The following KHDRBS3 variants were observed in gnomAD, a reference collection of about 807,000 sequenced individuals.
The protein encoded by KHDRBS3 is KH domain-containing, RNA-binding, signal transduction-associated protein 3.
KHDRBS3 carries 23 observed loss-of-function variants against 45.6 expected under a neutral mutation model. That is an observed-to-expected ratio of 0.50 (90% confidence interval 0.36 to 0.72). The LOEUF (loss-of-function observed/expected upper bound fraction) is 0.72, where lower values mean the gene tolerates loss of function less well. Among genes scored for constraint, KHDRBS3 ranks in the 30% least tolerant of loss-of-function variants. KHDRBS3 has a pLI of 0.00. For missense variants in KHDRBS3, 352 were observed against 424.8 expected (o/e 0.83, Z 1.51); for synonymous variants, 162 against 156.5 (o/e 1.04, Z -0.26).
chr8:135,545,226 G>T (rs1826233857), intron 3 of KHDRBS3, among the ~76,000 whole-genome samples: 1 of 152,064 alleles, frequency 6.6e-6, no homozygotes, highest in Non-Finnish European at 1.5e-5. Flanking sequence ...CTTATTCTCT[G>T]CATGTTTGGT....
At chr8:135,588,738 A>T (rs1378392219) in intron 6 of KHDRBS3, among the ~76,000 whole-genome samples, 1 of 152,236 alleles carries the variant, frequency 6.6e-6, no homozygotes, top group Non-Finnish European at 1.5e-5. Context: ...GCTGTGAGCC[A>T]GGAGCTGTGG....
chr8:135,528,871 T>A (rs1479768379), intron 2 of KHDRBS3, among the ~76,000 whole-genome samples: 2 of 152,170 alleles, frequency 1.3e-5, no homozygotes, highest in Admixed American at 1.3e-4. Flanking sequence ...GGCAGAGTCC[T>A]CATGACTTCA....
chr8:135,477,286 A>G (rs1022554667), intron 1 of KHDRBS3, among the ~76,000 whole-genome samples: 3 of 152,148 alleles, frequency 2.0e-5, no homozygotes, highest in Admixed American at 1.3e-4. Context: ...CACTATTAAA[A>G]CTGAGCTCTG....
intron 4 of KHDRBS3, among the ~76,000 whole-genome samples, chr8:135,552,943 G>T (rs1398880996): frequency 6.6e-6 from 1 of 152,046 alleles, no homozygotes; most frequent in Non-Finnish European, 1.5e-5. Flanking sequence ...TGTCCACCCT[G>T]GCTTTTCTGT....
intron 2 of KHDRBS3, chr8:135,539,768 G>A (rs1230562674): frequency 6.6e-6 from 1 of 152,142 alleles, no homozygotes; most frequent in Non-Finnish European, 1.5e-5. Flanking sequence ...GAACAGAGTT[G>A]AGAGGAAAAA....
intron 5 of KHDRBS3, among the ~76,000 whole-genome samples, chr8:135,568,227 A>G (rs1827525039): frequency 1.3e-5 from 2 of 152,206 alleles, no homozygotes; most frequent in African/African-American, 4.8e-5. Context: ...TTCAAAGCCT[A>G]AAACCATAAC....
At chr8:135,496,979 T>G (rs1331504048) in intron 1 of KHDRBS3, among the ~76,000 whole-genome samples, 2 of 152,216 alleles carry the variant, frequency 1.3e-5, no homozygotes, top group African/African-American at 4.8e-5. Flanking sequence ...GAAATGCATC[T>G]TATGACCTAG....
chr8:135,645,027 T>G (rs1487248422), intron 7 of KHDRBS3, 32 bp from the exon 8 acceptor site: 1 of 1,608,714 alleles, frequency 6.2e-7, no homozygotes, highest in Non-Finnish European at 8.5e-7. Flanking sequence ...GCCAGATGAT[T>G]TTGTCCTTTG....
chr8:135,642,833 G>C (rs970879282), intron 7 of KHDRBS3, among the ~76,000 whole-genome samples: 1 of 148,336 alleles, frequency 6.7e-6, no homozygotes, highest in Non-Finnish European at 1.5e-5. Context: ...TCGCTCTGTC[G>C]CCAGGCTGGA....
At chr8:135,492,128 A>G (rs1823184699) in intron 1 of KHDRBS3, among the ~76,000 whole-genome samples, 1 of 152,198 alleles carries the variant, frequency 6.6e-6, no homozygotes, top group African/African-American at 2.4e-5. Flanking sequence ...GAAGGTATCA[A>G]ATAGAATGCT....
intron 7 of KHDRBS3, among the ~76,000 whole-genome samples, chr8:135,630,201 C>T (rs1273347078): frequency 1.3e-5 from 2 of 152,154 alleles, no homozygotes; most frequent in Non-Finnish European, 2.9e-5. Context: ...GAGGAAGGAG[C>T]CCTTGGGTCT....
intron 4 of KHDRBS3, among the ~76,000 whole-genome samples, chr8:135,551,312 G>A (rs762202803): frequency 1.3e-5 from 2 of 151,884 alleles, no homozygotes; most frequent in African/African-American, 2.4e-5. Context: ...GACTAGAACC[G>A]TGAATGCAGT....
At chr8:135,489,966 A>G (rs1013886173) in intron 1 of KHDRBS3, among the ~76,000 whole-genome samples, 8 of 152,204 alleles carry the variant, frequency 5.3e-5, no homozygotes, top group South Asian at 2.1e-4. Flanking sequence ...CTTTTATAGC[A>G]TATTTTTACT....
chr8:135,520,537 TAG>T (rs951489425), intron 1 of KHDRBS3, among the ~76,000 whole-genome samples: 22 of 152,062 alleles, frequency 1.4e-4, no homozygotes, highest in African/African-American at 5.1e-4. Context: ...AGGGTAGCAG[TAG>T]AGTTGCACGT....
intron 6 of KHDRBS3, among the ~76,000 whole-genome samples, chr8:135,584,868 C>G (rs572070829): frequency 1.1e-4 from 17 of 152,184 alleles, no homozygotes; most frequent in African/African-American, 3.9e-4. Flanking sequence ...GATTACTCAC[C>G]CATCACGCTT....
intron 7 of KHDRBS3, among the ~76,000 whole-genome samples, chr8:135,613,358 T>C (rs1222884563): frequency 6.6e-6 from 1 of 151,804 alleles, no homozygotes; most frequent in Non-Finnish European, 1.5e-5. Context: ...CTAAGCCTCC[T>C]TTTATAAAAT....
At position 135,571,749 on chromosome 8, in the gene KHDRBS3, G is replaced by C. The variant is rs188491213; in HGVS notation, c.612-10129G>C. On this transcript the variant is annotated intron_variant, in intron 5 of 8. Coordinates refer to ENST00000355849, the MANE Select transcript of KHDRBS3 (RefSeq NM_006558.3). ...TCGAGGCTGGGGATTAGAGTTGGGG[G>C]AACTCTGGCACTGGGGAAGCCAGAG... Among the ~76,000 whole-genome samples the C allele has an allele frequency of 4.3e-4, 66 of 152,130 alleles. 1 individual carries two copies. The highest frequency in any genetic ancestry group is 1.5e-3 in the African/African-American group (64 of 41,502).
intron 7 of KHDRBS3, among the ~76,000 whole-genome samples, chr8:135,607,775 G>A (rs137858995): frequency 6.6e-6 from 1 of 152,252 alleles, no homozygotes; most frequent in African/African-American, 2.4e-5. Flanking sequence ...AAGAAAATAT[G>A]GACTATGAGG....
At chr8:135,473,217 CG>C (rs1822102073) in intron 1 of KHDRBS3, among the ~76,000 whole-genome samples, 1 of 152,046 alleles carries the variant, frequency 6.6e-6, no homozygotes, top group Non-Finnish European at 1.5e-5. Context: ...CTCCTCCGTC[CG>C]GAAAGCTTCC....
Sources: gnomAD v4.1 joint callset for allele counts (sites outside exome capture counted in the v4.1 genomes callset) on GRCh38, gnomAD v4.1.1 for gene constraint, MANE v1.5 for transcripts, NCBI Gene and HGNC (gene_info 2026-07-23, HGNC 2026-07-21) for gene names.